The following SORBS2 variants were observed in gnomAD, a reference collection of about 807,000 sequenced individuals.
SORBS2 encodes sorbin and SH3 domain-containing protein 2.
Under a neutral mutation model 97.7 loss-of-function variants are expected in SORBS2, and 46 were observed. The ratio of observed to expected loss-of-function variants is 0.47; its 90% CI spans 0.37 to 0.60. The LOEUF (loss-of-function observed/expected upper bound fraction) is 0.60. Ranked by LOEUF, SORBS2 falls within the 20% of genes least tolerant of loss-of-function variation. SORBS2 has a pLI of 0.00. For synonymous variants in SORBS2, 476 were observed against 473.4 expected, an observed-to-expected ratio of 1.01 and a Z score of -0.07; for missense variants, 1,316 against 1,282.3, an observed-to-expected ratio of 1.03 and a Z score of -0.40.
Position 185,607,029 on chromosome 4 carries a change from C to T in SORBS2, c.2796+4751G>A, listed in dbSNP as rs1464404841. The T allele has an allele frequency of 9.8e-6, 10 of 1,021,048 alleles. No homozygotes were observed. In the Admixed American group the frequency reaches 1.6e-4, roughly 17 times the overall value. 63.2% of individuals were successfully genotyped at this position (1,021,048 alleles called of 1,614,324 possible). A position where few individuals can be genotyped will look rare whatever the true frequency, so the allele number is the denominator to read the frequency against. On this transcript the variant is annotated intron_variant, in intron 12 of 14. Coordinates refer to ENST00000418609, the Ensembl canonical transcript of SORBS2. The surrounding 1 kb of genome is among the most constrained non-coding windows in gnomAD (Gnocchi z 5.2). ...GCTGGGCTGCAGCCGAGGCCACACC[C>T]GCGTGAGTGGAAGGTGATTCGGCAG... is the stretch of plus-strand genomic sequence containing the variant.
chr4:185,711,288 GC>G (rs1425449860), intron 2 of SORBS2, among the ~76,000 whole-genome samples: 3 of 152,130 alleles, frequency 2.0e-5, no homozygotes, highest in African/African-American at 7.2e-5. Flanking sequence ...ACTATGCCTG[GC>G]CCTGACATGA....
At chr4:185,953,756 C>T (rs1043241764) in intron 1 of SORBS2, among the ~76,000 whole-genome samples, 1 of 152,200 alleles carries the variant, frequency 6.6e-6, no homozygotes, top group Non-Finnish European at 1.5e-5. Flanking sequence ...TTTTATCACA[C>T]CTTTATAATT....
At chr4:185,624,902 C>T (rs726466) in intron 6 of SORBS2, among the ~76,000 whole-genome samples, 1 of 152,024 alleles carries the variant, frequency 6.6e-6, no homozygotes, top group African/African-American at 2.4e-5. Context: ...TATACCCTTA[C>T]GCAATTTAAT....
chr4:185,855,751 C>G (rs115597307), intron 1 of SORBS2, among the ~76,000 whole-genome samples: 1 of 152,150 alleles, frequency 6.6e-6, no homozygotes, highest in Non-Finnish European at 1.5e-5. Flanking sequence ...TAACTTATTA[C>G]GCACCAAAGT....
chr4:185,802,149 G>T (rs529806591), intron 1 of SORBS2, among the ~76,000 whole-genome samples: 1 of 152,126 alleles, frequency 6.6e-6, no homozygotes, highest in African/African-American at 2.4e-5. Flanking sequence ...TGCTTAAGAC[G>T]ATCAAAGAGT....
chr4:185,845,917 C>T (rs1220267838), intron 1 of SORBS2, among the ~76,000 whole-genome samples: 1 of 152,026 alleles, frequency 6.6e-6, no homozygotes, highest in African/African-American at 2.4e-5. Flanking sequence ...CAAATGCTGA[C>T]AAGGATGTGG....
chr4:185,784,180 A>G (rs754917843), intron 1 of SORBS2, among the ~76,000 whole-genome samples: 1 of 152,056 alleles, frequency 6.6e-6, no homozygotes, highest in Non-Finnish European at 1.5e-5. Flanking sequence ...CGCCCAGGCT[A>G]GAGTGCAGTG....
chr4:185,633,149 A>T (rs759736575), intron 4 of SORBS2, among the ~76,000 whole-genome samples: 8 of 152,172 alleles, frequency 5.3e-5, no homozygotes, highest in Non-Finnish European at 8.8e-5. Context: ...AATATCCGTA[A>T]CTGTTCTTCA....
chr4:185,923,781 G>C (rs2099262175), intron 1 of SORBS2, among the ~76,000 whole-genome samples: 2 of 151,968 alleles, frequency 1.3e-5, no homozygotes, highest in African/African-American at 4.8e-5. Flanking sequence ...CTTAGATACA[G>C]TATCAGGGTT....
intron 1 of SORBS2, among the ~76,000 whole-genome samples, chr4:185,936,943 T>C (rs1367007007): frequency 6.6e-6 from 1 of 152,228 alleles, no homozygotes; most frequent in Non-Finnish European, 1.5e-5. Flanking sequence ...TTTTAAAAAA[T>C]AAATTCAGCT....
At chr4:185,661,254 C>T (rs531966486), upstream of SORBS2, among the ~76,000 whole-genome samples, 11 of 147,600 alleles carry the variant, frequency 7.5e-5, no homozygotes, top group Admixed American at 4.8e-4. Context: ...CCAGCCTGGG[C>T]GACAGAGTGA....
At chr4:185,932,847 C>T (rs1187465205) in intron 1 of SORBS2, 5 of 152,324 alleles carry the variant, frequency 3.3e-5, no homozygotes, top group South Asian at 2.1e-4. Flanking sequence ...TTTTATCTTC[C>T]ATGATAAATG....
chr4:185,717,356 T>C (rs998652088), intron 2 of SORBS2, among the ~76,000 whole-genome samples: 4 of 152,336 alleles, frequency 2.6e-5, no homozygotes, highest in South Asian at 2.1e-4. Context: ...GATATTGTTT[T>C]GCACAAAGGG....
At chr4:185,673,138 G>A (rs2097740058) in intron 4 of SORBS2, among the ~76,000 whole-genome samples, 1 of 152,326 alleles carries the variant, frequency 6.6e-6, no homozygotes, top group South Asian at 2.1e-4. Flanking sequence ...TCTGAGCAGA[G>A]AGTAGACTGG....
At chr4:185,690,580 T>G (rs1454150387) in intron 2 of SORBS2, 1 of 1,517,902 alleles carries the variant, frequency 6.6e-7, no homozygotes, top group Non-Finnish European at 8.9e-7. Flanking sequence ...ATTTTCACCT[T>G]GGAGAGTTTG....
chr4:185,600,970 G>A (rs777694897), intron 12 of SORBS2, among the ~76,000 whole-genome samples: 7 of 151,972 alleles, frequency 4.6e-5, no homozygotes, highest in Non-Finnish European at 8.8e-5. Flanking sequence ...ACCTTCTTTT[G>A]TGTAGGTTTT....
At chr4:185,942,270 T>C (rs1315096364) in intron 1 of SORBS2, among the ~76,000 whole-genome samples, 1 of 152,188 alleles carries the variant, frequency 6.6e-6, no homozygotes, top group African/African-American at 2.4e-5. Context: ...AGGCCCCCCA[T>C]AGCCCACTTA....
intron 1 of SORBS2, among the ~76,000 whole-genome samples, chr4:185,872,076 A>T (rs940779058): frequency 1.3e-5 from 2 of 152,254 alleles, no homozygotes; most frequent in African/African-American, 4.8e-5. Context: ...ATATTAAAAA[A>T]TACAATGGAT....
At chr4:185,618,559 A>C in intron 9 of SORBS2, 26 bp downstream of exon 21, 1 of 1,352,934 alleles carries the variant, frequency 7.4e-7, no homozygotes, top group Non-Finnish European at 1.0e-6. Context: ...ACCTTAAATC[A>C]TATGATGAGT....
Sources: gnomAD v4.1 joint callset for allele counts (sites outside exome capture counted in the v4.1 genomes callset) on GRCh38, gnomAD v4.1.1 for gene constraint, Gnocchi (gnomAD v3.1) non-coding constraint, MANE v1.5 for transcripts, NCBI Gene and HGNC (gene_info 2026-07-23, HGNC 2026-07-21) for gene names.